The following MYO15B variants were observed in gnomAD, a reference collection of about 807,000 sequenced individuals.
The protein encoded by MYO15B is myosin XVB pseudogene.
MYO15B carries 207 observed loss-of-function variants against 119.3 expected under a neutral mutation model. The observed-to-expected ratio is 1.73, with a 90% CI of 1.55 to 1.95. The LOEUF (loss-of-function observed/expected upper bound fraction) is 1.95, where lower values mean the gene tolerates loss of function less well. Ranked by LOEUF, MYO15B falls within the 30% of genes most tolerant of loss-of-function variation. The pLI is 0.00. For synonymous variants in MYO15B, 966 were observed against 498.9 expected (o/e 1.94, Z -12.48); for missense variants, 2,264 against 1,203.1 (o/e 1.88, Z -13.04).
Position 75,624,619 on chromosome 17 carries a change from T to G in MYO15B, c.8522T>G (p.Leu2841Arg), listed in dbSNP as rs772023327. 8 of 702,824 alleles carry G rather than the reference T, an allele frequency of 1.1e-5. No homozygotes were observed. In the South Asian group the frequency reaches 1.2e-4, roughly 10 times the overall value. The allele number at this position is 702,824 out of a possible 1,614,324, so 43.5% of individuals were successfully genotyped here. The change falls in exon 58 of 64, where the codon CTC (leucine) becomes CGC (arginine). Residue 2841 changes from leucine (L) to arginine (R), a missense_variant. Leu to Arg is a moderately radical substitution (Grantham distance 102, BLOSUM62 -2). Transcript: ENST00000645453. ...CCTCAGGAAGTGCAGGAATTCGCCC[T>G]CTTCCTCATCAAAGAGAAGAGTAAG...
At chr17:75,610,610 G>C in intron 22 of MYO15B, 1 of 550,448 alleles carries the variant, frequency 1.8e-6, no homozygotes, top group Non-Finnish European at 3.3e-6. Context: ...ATGCCCACGT[G>C]CTACCCCCTC....
intron 19 of MYO15B, among the ~76,000 whole-genome samples, chr17:75,603,741 CACA>C (rs1365529400): frequency 3.9e-5 from 6 of 152,070 alleles, no homozygotes; most frequent in African/African-American, 1.5e-4. Context: ...GGCGGGGTGG[CACA>C]TGGAGCTGCC....
rs1170527783 is a variant in MYO15B, at chr17:75,589,509, C to G, written c.1452C>G (p.Tyr484Ter). Residue 484 changes from tyrosine (Y) to a stop codon, truncating the protein, a stop_gained, in exon 1 of 64, where the codon TAC becomes TAG. Transcript: ENST00000645453. LOFTEE classifies it high-confidence loss of function. The surrounding 1 kb of genome is among the most constrained non-coding windows in gnomAD (Gnocchi z 4.2). The stretch of plus-strand genomic sequence containing the variant: ...AGGGCCGGGACCACCAGAGAGGGTA[C>G]GAGGGGTGGGGCCGTGAGCCCGGGC... 3 of 398,254 alleles carry G rather than the reference C, an allele frequency of 7.5e-6. No homozygotes were observed. Among genetic ancestry groups the G allele is most frequent in the Non-Finnish European group, 1.3e-5 (3 of 226,078 alleles). The allele number at this position is 398,254 out of a possible 1,614,324, so 24.7% of individuals were successfully genotyped here. A position where few individuals can be genotyped will look rare whatever the true frequency, so the allele number is the denominator to read the frequency against.
intron 22 of MYO15B, 89 bp from the exon 23 acceptor site, chr17:75,610,811 G>A (rs2057978922): frequency 7.2e-6 from 5 of 699,222 alleles, no homozygotes; most frequent in Admixed American, 2.0e-5. Context: ...CCCAGGGGCA[G>A]GAGGGGACAG....
exon 12 of MYO15B, chr17:75,594,857 C>G: frequency 1.4e-6 from 1 of 703,060 alleles, no homozygotes; most frequent in Non-Finnish European, 2.6e-6. Context: ...CTGGCCAAGG[C>G]ACTGTATTCC....
chr17:75,613,825 C>G (rs1013843966), intron 29 of MYO15B, 48 bp downstream of exon 29: 2 of 659,042 alleles, frequency 3.0e-6, no homozygotes, highest in Admixed American at 4.5e-5. Flanking sequence ...TGACCCTTGT[C>G]CTATACCCTC....
chr17:75,592,952 C>G, intron 9 of MYO15B, 112 bp downstream of exon 9: 1 of 608,036 alleles, frequency 1.6e-6, no homozygotes, highest in South Asian at 1.9e-5. Context: ...CTGGGCTGCC[C>G]TGAAAAGTGG....
chr17:75,606,920 T>A (rs2057692252), intron 21 of MYO15B: 1 of 398,556 alleles, frequency 2.5e-6, no homozygotes, highest in Non-Finnish European at 4.4e-6. Context: ...TCATCTCTTT[T>A]TCGCCCTCAC....
chr17:75,594,145 T>C (rs557589298), intron 9 of MYO15B, among the ~76,000 whole-genome samples: 7,911 of 149,318 alleles, frequency 0.053, 684 homozygotes, highest in African/African-American at 0.18. Flanking sequence ...TGTACCTGGG[T>C]ACTGTGTAAA....
chr17:75,588,469 C>G (rs1188962333), exon 1 of MYO15B: 1 of 398,312 alleles, frequency 2.5e-6, no homozygotes, highest in Non-Finnish European at 4.4e-6. Context: ...CTCGGCTCGG[C>G]GGGGCCGCCG....
chr17:75,605,370 G>A, intron 19 of MYO15B, 134 bp from the exon 20 acceptor site: 1 of 597,434 alleles, frequency 1.7e-6, no homozygotes, highest in South Asian at 2.0e-5. Flanking sequence ...CCGGGAGGCG[G>A]AGCTTGCAGT....
Position 75,616,788 on chromosome 17 carries a change from G to A in MYO15B, c.6506+3G>A, listed in dbSNP as rs2058399483. On this transcript the variant is annotated splice_donor_region_variant and intron_variant, in intron 39 of 63. Transcript: ENST00000645453. ...CCTGTGCCCGTGCAGCCATCCAGGT[G>A]GGCCCCCACGGGGAGGTGGCCAGGG... The A allele has an allele frequency of 2.8e-6, 2 of 702,892 alleles. No individual in the cohort carries two copies. The highest frequency in any genetic ancestry group is 1.7e-5 in the African/African-American group (1 of 57,280). 43.5% of individuals were successfully genotyped at this position (702,892 alleles called of 1,614,324 possible).
exon 21 of MYO15B, chr17:75,605,872 G>A (rs1016620192): frequency 2.9e-6 from 2 of 695,458 alleles, no homozygotes; most frequent in African/African-American, 3.5e-5. Flanking sequence ...AGGTCCTGCT[G>A]CAGGAGCAGG....
intron 14 of MYO15B, chr17:75,600,828 T>G (rs2057229870): frequency 6.6e-6 from 1 of 151,554 alleles, no homozygotes; most frequent in African/African-American, 2.4e-5. Context: ...CCTCAGGTGA[T>G]CCACCTGCCT....
At chr17:75,603,131 C>G (rs2057393552) in intron 18 of MYO15B, 54 bp downstream of exon 18, 1 of 703,098 alleles carries the variant, frequency 1.4e-6, no homozygotes, top group South Asian at 1.5e-5. Flanking sequence ...CACCTCCCTC[C>G]CCACAGCTCT....
At chr17:75,615,522 G>A (rs1180677912) in exon 35 of MYO15B, 2 of 698,818 alleles carry the variant, frequency 2.9e-6, no homozygotes, top group Middle Eastern at 2.6e-4. Context: ...TGCCGCCGCA[G>A]CCACCGCTTC....
At chr17:75,626,759 C>T in exon 64 of MYO15B, 1 of 544,704 alleles carries the variant, frequency 1.8e-6, no homozygotes, top group Non-Finnish European at 3.3e-6. Context: ...GAGATGCCCA[C>T]CCGACCCCAG....
chr17:75,602,373 G>A (rs2057339082), intron 15 of MYO15B, 144 bp from the exon 16 acceptor site: 2 of 700,594 alleles, frequency 2.9e-6, no homozygotes, highest in South Asian at 1.5e-5. Flanking sequence ...CCAAGGCTAG[G>A]TAAAGGGCTG....
intron 21 of MYO15B, among the ~76,000 whole-genome samples, chr17:75,609,478 G>A (rs2057867874): frequency 6.7e-6 from 1 of 149,192 alleles, no homozygotes; most frequent in Admixed American, 6.7e-5. Flanking sequence ...CCAAGCTAAG[G>A]GAAATGATTT....
Sources: gnomAD v4.1 joint callset for allele counts (sites outside exome capture counted in the v4.1 genomes callset) on GRCh38, gnomAD v4.1.1 for gene constraint, Gnocchi (gnomAD v3.1) non-coding constraint, MANE v1.5 for transcripts, NCBI Gene and HGNC (gene_info 2026-07-23, HGNC 2026-07-21) for gene names.